Variants in SLC5A4 observed in about 807,000 individuals in gnomAD.
SLC5A4 encodes the protein probable glucose sensor protein SLC5A4.
In SLC5A4, 55 loss-of-function variants were observed where a neutral mutation model predicts 70.3. The ratio of observed to expected loss-of-function variants is 0.78; its 90% CI spans 0.63 to 0.98. The LOEUF (loss-of-function observed/expected upper bound fraction) is 0.98. SLC5A4 is among the 50% of genes least tolerant of loss of function. The probability of loss-of-function intolerance (pLI) is 0.00; values close to 1 mark genes in which losing one functional copy is unlikely to be tolerated. For synonymous variants in SLC5A4, 268 were observed against 305.7 expected (o/e 0.88, Z 1.29); for missense variants, 735 against 839.2 (o/e 0.88, Z 1.53).
At position 32,248,637 on chromosome 22, in the gene SLC5A4, A is replaced by G. The variant is rs957419634; in HGVS notation, c.372+106T>C. The G allele has an allele frequency of 2.3e-5, 19 of 830,998 alleles. No homozygotes were observed. The African/African-American group carries it at 3.2e-4, about 14-fold the overall frequency. 51.5% of individuals were successfully genotyped at this position (830,998 alleles called of 1,614,324 possible). On this transcript the variant is annotated intron_variant, in intron 4 of 14. Coordinates refer to ENST00000266086, the MANE Select transcript of SLC5A4 (RefSeq NM_014227.3). ...ATCTCCTCTGCTGTGGCACCTAAATAAAGCCTTTTTTCCTGGCAATACTCA... is the reference window on the plus strand; with the variant it reads ...ATCTCCTCTGCTGTGGCACCTAAATGAAGCCTTTTTTCCTGGCAATACTCA...
chr22:32,240,152 A>G (rs1926434320), intron 5 of SLC5A4, among the ~76,000 whole-genome samples: 1 of 151,884 alleles, frequency 6.6e-6, no homozygotes, highest in Non-Finnish European at 1.5e-5. Flanking sequence ...GGGGTTAGTT[A>G]TGATTATTTT....
At chr22:32,253,596 T>C (rs189231337) in intron 2 of SLC5A4, among the ~76,000 whole-genome samples, 13 of 152,144 alleles carry the variant, frequency 8.5e-5, no homozygotes, top group African/African-American at 1.4e-4. Context: ...AAGAAAAGAA[T>C]ATAAGGTGGG....
Position 32,221,042 on chromosome 22 carries a change from A to C in SLC5A4, c.1666-20T>G. ...GTACAGCTGAACAGGGACCATACAA[A>C]AGTGCATTAGTAATAGGCAAATGTT... On this transcript the variant is annotated intron_variant, in intron 13 of 14. Transcript: ENST00000266086. 1 of 1,504,880 alleles carries C rather than the reference A, an allele frequency of 6.6e-7. No homozygotes were observed. Among genetic ancestry groups the C allele is most frequent in the Non-Finnish European group, 9.2e-7 (1 of 1,081,082 alleles). 93.2% of individuals were successfully genotyped at this position (1,504,880 alleles called of 1,614,324 possible).
the SLC5A4 span, among the ~76,000 whole-genome samples, chr22:32,351,218 A>C: frequency 6.6e-6 from 1 of 152,190 alleles, no homozygotes; most frequent in Admixed American, 6.5e-5. Flanking sequence ...CTATCTCCAG[A>C]CTAATATGGG....
chr22:32,261,584 C>A, the SLC5A4 span, among the ~76,000 whole-genome samples: 1 of 152,232 alleles, frequency 6.6e-6, no homozygotes, highest in Admixed American at 6.5e-5. Context: ...AACTTCCAGA[C>A]AGATAAGGTT....
At chr22:32,261,273 C>T in the SLC5A4 span, among the ~76,000 whole-genome samples, 3 of 152,184 alleles carry the variant, frequency 2.0e-5, no homozygotes, top group Non-Finnish European at 4.4e-5. Context: ...TCAGAGCTCC[C>T]TCTGCCATTG....
the SLC5A4 span, among the ~76,000 whole-genome samples, chr22:32,339,614 G>A: frequency 3.3e-5 from 5 of 152,180 alleles, no homozygotes; most frequent in African/African-American, 9.7e-5. Flanking sequence ...AGAGGGAGGT[G>A]GGGAGCCACC....
the SLC5A4 span, among the ~76,000 whole-genome samples, chr22:32,317,968 A>C: frequency 6.6e-6 from 1 of 152,168 alleles, no homozygotes; most frequent in Non-Finnish European, 1.5e-5. Flanking sequence ...GCCCTTGTCA[A>C]GGTCACCAAA....
the SLC5A4 span, among the ~76,000 whole-genome samples, chr22:32,322,344 C>T: frequency 6.6e-6 from 1 of 152,122 alleles, no homozygotes; most frequent in Non-Finnish European, 1.5e-5. Flanking sequence ...AATCCCAGCA[C>T]TTTGGGAGGC....
At chr22:32,329,742 G>A in the SLC5A4 span, among the ~76,000 whole-genome samples, 1 of 62,092 alleles carries the variant, frequency 1.6e-5, no homozygotes, top group Non-Finnish European at 2.9e-5. Flanking sequence ...TGTGTGTTGG[G>A]GGCTCTGGTG....
chr22:32,244,814 G>C (rs1926727775), intron 5 of SLC5A4, among the ~76,000 whole-genome samples: 1 of 152,192 alleles, frequency 6.6e-6, no homozygotes, highest in South Asian at 2.1e-4. Context: ...ACAGGCAGAA[G>C]TCACTGGGCT....
At chr22:32,279,419 C>A in the SLC5A4 span, among the ~76,000 whole-genome samples, 3 of 152,210 alleles carry the variant, frequency 2.0e-5, no homozygotes, top group African/African-American at 7.2e-5. Context: ...AGCTGGAGAA[C>A]TCAGTAGTGG....
the SLC5A4 span, among the ~76,000 whole-genome samples, chr22:32,348,184 C>T: frequency 6.6e-6 from 1 of 152,184 alleles, no homozygotes; most frequent in African/African-American, 2.4e-5. Flanking sequence ...CAGGACACCT[C>T]CAGGGCCCCA....
At chr22:32,281,688 T>C in the SLC5A4 span, among the ~76,000 whole-genome samples, 4 of 151,984 alleles carry the variant, frequency 2.6e-5, no homozygotes, top group Non-Finnish European at 5.9e-5. Flanking sequence ...AGGGGTCTCA[T>C]TATGTTGCCC....
the SLC5A4 span, among the ~76,000 whole-genome samples, chr22:32,335,015 A>G: frequency 6.6e-6 from 1 of 152,098 alleles, no homozygotes; most frequent in Non-Finnish European, 1.5e-5. Flanking sequence ...GCAGGGAGAG[A>G]GCGGGGCCAG....
At position 32,224,249 on chromosome 22, in the gene SLC5A4, T is replaced by A. The variant is rs1925263615; in HGVS notation, c.1665+18A>T. On this transcript the variant is annotated intron_variant, in intron 13 of 14. Coordinates refer to ENST00000266086, the MANE Select transcript of SLC5A4 (RefSeq NM_014227.3). Reference sequence around the variant, plus strand: ...ACTCTTATTTAAAATTAGCATGTATTCATTACTCATCACTCACATGTACAT... The same window carrying A: ...ACTCTTATTTAAAATTAGCATGTATACATTACTCATCACTCACATGTACAT... 1 of 1,563,600 alleles carries A rather than the reference T, an allele frequency of 6.4e-7. No individual in the cohort carries two copies. Among genetic ancestry groups the A allele is most frequent in the South Asian group, 1.1e-5 (1 of 89,814 alleles).
chr22:32,308,428 G>A, the SLC5A4 span, among the ~76,000 whole-genome samples: 1 of 152,084 alleles, frequency 6.6e-6, no homozygotes, highest in Non-Finnish European at 1.5e-5. Flanking sequence ...CACCAGGCTG[G>A]AATCCTGACC....
chr22:32,302,665 G>C, the SLC5A4 span, among the ~76,000 whole-genome samples: 1 of 152,154 alleles, frequency 6.6e-6, no homozygotes, highest in Admixed American at 6.5e-5. Flanking sequence ...TCTCTGTTCT[G>C]TTCCATTCAT....
intron 14 of SLC5A4, among the ~76,000 whole-genome samples, chr22:32,219,458 TA>T (rs1333040909): frequency 2.0e-5 from 3 of 151,810 alleles, no homozygotes; most frequent in African/African-American, 7.3e-5. Context: ...AGATTATATT[TA>T]AAAAGAAATG....
Sources: allele counts gnomAD v4.1 joint callset (sites outside exome capture counted in the v4.1 genomes callset), GRCh38; gene constraint gnomAD v4.1.1; transcripts MANE v1.5; gene names NCBI Gene and HGNC (gene_info 2026-07-23, HGNC 2026-07-21).